SCAF11: variants seen among roughly 807,000 people sequenced by gnomAD.
SCAF11 encodes SR-related CTD associated factor 11.
In SCAF11, 47 loss-of-function variants were observed where a neutral mutation model predicts 140.5. The observed-to-expected ratio is 0.33, with a 90% CI of 0.26 to 0.43. The LOEUF (loss-of-function observed/expected upper bound fraction) is 0.43, where lower values mean the gene tolerates loss of function less well. Among genes scored for constraint, SCAF11 ranks in the 20% least tolerant of loss-of-function variants. SCAF11 has a pLI of 1.00. For missense variants in SCAF11, 1,645 were observed against 1,705.1 expected (o/e 0.96, Z 0.62); for synonymous variants, 557 against 579.4 (o/e 0.96, Z 0.55).
At chr12:45,980,997 A>G (rs904599740) in intron 1 of SCAF11, among the ~76,000 whole-genome samples, 3 of 152,212 alleles carry the variant, frequency 2.0e-5, no homozygotes, top group Non-Finnish European at 4.4e-5. Context: ...TTAGGGAAAC[A>G]GGGCAGGTGA....
At chr12:45,943,676 T>C (rs773200727) in intron 6 of SCAF11, among the ~76,000 whole-genome samples, 3 of 152,096 alleles carry the variant, frequency 2.0e-5, no homozygotes, top group African/African-American at 7.2e-5. Flanking sequence ...TCAGTCCAGG[T>C]TGGTCAGTGA....
chr12:45,931,527 T>C lies in SCAF11; in HGVS notation c.820A>G (p.Thr274Ala). 6.7e-7 allele frequency: 1 copy of C among 1,485,758 alleles called. No homozygotes were observed. The allele number at this position is 1,485,758 out of a possible 1,614,324, so 92.0% of individuals were successfully genotyped here. The stretch of plus-strand genomic sequence containing the variant: ...TTACCAAAATGTTCGAAAGATATGG[T>C]ACTTGTTGGAAAAATAGTTCTTGGC... Reference protein sequence around the residue: ...VLPRTIFPTSTISFEHFGTSC... With the variant: ...VLPRTIFPTSAISFEHFGTSC... The change falls in exon 10 of 15, where the codon ACC becomes GCC. Residue 274 changes from threonine to alanine, a missense_variant. Physicochemically the swap from Thr to Ala is moderately conservative, Grantham distance 58. Around this residue, in one of 2 missense-constraint regions of SCAF11, gnomAD observed 1,582 missense variants for 1,609.2 expected, o/e 0.98. Transcript: ENST00000369367.
chr12:45,956,264 G>A (rs1945690744), intron 3 of SCAF11: 2 of 665,124 alleles, frequency 3.0e-6, no homozygotes, highest in East Asian at 2.8e-5. Flanking sequence ...TTTATAGGTA[G>A]GTTTGCCTGT....
Position 45,928,295 on chromosome 12 carries a change from C to A in SCAF11, c.1406G>T (p.Arg469Ile). 6.2e-7 allele frequency: 1 copy of A among 1,614,012 alleles called. No homozygotes were observed. Among genetic ancestry groups the A allele is most frequent in the Non-Finnish European group, 8.5e-7 (1 of 1,179,994 alleles). ...KHTANYDTEE[R>I]VGSSSSESCA... is the part of the protein sequence containing the mutation. Reference sequence around the variant, plus strand: ...AGACTCAGAAGATGAAGATCCTACTCTTTCCTCTGTATCATAATTTGCAGT... The same window carrying A: ...AGACTCAGAAGATGAAGATCCTACTATTTCCTCTGTATCATAATTTGCAGT... The change falls in exon 11 of 15, where the codon AGA (arginine) becomes ATA (isoleucine). Residue 469 changes from arginine (R) to isoleucine (I), a missense_variant. Coordinates refer to ENST00000369367, the MANE Select transcript of SCAF11 (RefSeq NM_004719.3).
chr12:45,938,115 C>T (rs1945210994), intron 6 of SCAF11, among the ~76,000 whole-genome samples: 1 of 152,160 alleles, frequency 6.6e-6, no homozygotes, highest in South Asian at 2.1e-4. Flanking sequence ...TACTGTTTTA[C>T]TTTCTATTTT....
In SCAF11 at chr12:45,934,475, T is replaced by C; in HGVS notation, c.494A>G (p.Lys165Arg). 6.3e-7 allele frequency: 1 copy of C among 1,594,100 alleles called. No individual in the cohort carries two copies. Among genetic ancestry groups the C allele is most frequent in the Non-Finnish European group, 8.5e-7 (1 of 1,174,002 alleles). Reference sequence around the variant, plus strand: ...ATTTATCTTTATTGCTGCATTTTTCTTTCCTCCTGTTTCACTGTATAAAGA... The same window carrying C: ...ATTTATCTTTATTGCTGCATTTTTCCTTCCTCCTGTTTCACTGTATAAAGA... ...RNSLYSETGG[K>R]KNAAIKINKP... The change falls in exon 7 of 15, where the codon AAG becomes AGG. Residue 165 changes from lysine to arginine, a missense_variant. Transcript: ENST00000369367.
Position 45,920,661 on chromosome 12 carries a change from T to C in SCAF11, c.*1387A>G, listed in dbSNP as rs979159891. ...CCTGAAAGGCTAACCAGGACTCCAT[T>C]ATTTAAATTTCCCCTCTGTTTCTAA... On this transcript the variant is annotated 3_prime_UTR_variant, in exon 15 of 15. Transcript: ENST00000369367. The C allele has an allele frequency of 2.0e-5, 3 of 152,386 alleles. No individual in the cohort carries two copies. The highest frequency in any genetic ancestry group is 7.2e-5 in the African/African-American group (3 of 41,392). 9.4% of individuals were successfully genotyped at this position (152,386 alleles called of 1,614,324 possible).
chr12:45,955,915 A>C lies in SCAF11; in HGVS notation c.220-4188T>G, dbSNP rs189395158. On this transcript the variant is annotated intron_variant, in intron 3 of 14. Transcript: ENST00000369367. ...ACTGCTTTACAGTGTAATGTGTATTAAACAGAGCATATGTTTTACTGTGAA... is the reference window on the plus strand; with the variant it reads ...ACTGCTTTACAGTGTAATGTGTATTCAACAGAGCATATGTTTTACTGTGAA... 5.1e-5 allele frequency: 28 copies of C among 552,658 alleles called. No homozygotes were observed. In the East Asian group the frequency reaches 7.6e-4, roughly 15 times the overall value. The allele number at this position is 552,658 out of a possible 1,614,324, so 34.2% of individuals were successfully genotyped here.
intron 1 of SCAF11, among the ~76,000 whole-genome samples, chr12:45,970,185 C>T (rs532544214): frequency 1.1e-4 from 17 of 152,228 alleles, no homozygotes; most frequent in Admixed American, 4.6e-4. Flanking sequence ...TGAGCCACCG[C>T]GCCCGGCCTC....
At chr12:45,972,090 C>T (rs1946086263) in intron 1 of SCAF11, among the ~76,000 whole-genome samples, 1 of 152,132 alleles carries the variant, frequency 6.6e-6, no homozygotes, top group South Asian at 2.1e-4. Context: ...AAGCAGCATA[C>T]CACCGACTCT....
Position 45,958,638 on chromosome 12 carries a change from C to G in SCAF11, c.219+3062G>C, listed in dbSNP as rs1321953449. ...TTTACCATCTATGAATTCCTTGAAA[C>G]TAAATATAATCATAGTGGACATGAT... On this transcript the variant is annotated intron_variant, in intron 3 of 14. Transcript: ENST00000369367. 2.6e-5 allele frequency among the ~76,000 whole-genome samples: 4 copies of G among 152,160 alleles called. No individual in the cohort carries two copies. In the South Asian group the frequency reaches 8.3e-4, roughly 32 times the overall value.
At chr12:45,990,688 T>TCGC (rs1393178181), upstream of SCAF11, 4 of 848,200 alleles carry the variant, frequency 4.7e-6, no homozygotes, top group Admixed American at 1.3e-4. Flanking sequence ...GCAGCCGGAC[T>TCGC]CGCCACATTC....
chr12:45,986,426 A>C (rs1180513430), intron 1 of SCAF11, among the ~76,000 whole-genome samples: 1 of 152,084 alleles, frequency 6.6e-6, no homozygotes, highest in East Asian at 1.9e-4. Flanking sequence ...CTCCACAATT[A>C]TCATCCTAAT....
chr12:45,953,197 A>G (rs1945591296), intron 3 of SCAF11, among the ~76,000 whole-genome samples: 1 of 152,212 alleles, frequency 6.6e-6, no homozygotes, highest in Non-Finnish European at 1.5e-5. Context: ...TACTTTCCCT[A>G]TAGAAAACTT....
chr12:45,991,475 T>C (rs1253628700), upstream of SCAF11, among the ~76,000 whole-genome samples: 2 of 152,056 alleles, frequency 1.3e-5, no homozygotes, highest in African/African-American at 4.8e-5. Flanking sequence ...GGTGGGAGAA[T>C]CGCTTGAACC....
chr12:45,962,155 T>TCCA (rs1340093804), intron 2 of SCAF11, among the ~76,000 whole-genome samples: 1 of 152,182 alleles, frequency 6.6e-6, no homozygotes, highest in African/African-American at 2.4e-5. Flanking sequence ...CCCATCCAGT[T>TCCA]CCAACCAATC....
At chr12:45,964,584 G>A (rs1341711503) in intron 1 of SCAF11, among the ~76,000 whole-genome samples, 3 of 151,722 alleles carry the variant, frequency 2.0e-5, no homozygotes, top group African/African-American at 4.8e-5. Context: ...GGAGAATGGC[G>A]TGAACCTGGG....
At chr12:45,961,668 GAAATT>G in intron 3 of SCAF11, 27 bp downstream of exon 3, 1 of 1,538,878 alleles carries the variant, frequency 6.5e-7, no homozygotes, top group South Asian at 1.2e-5. Flanking sequence ...ATCATGCTAG[GAAATT>G]AAAATACATT....
At chr12:45,982,454 C>A (rs1946369031) in intron 1 of SCAF11, among the ~76,000 whole-genome samples, 1 of 152,082 alleles carries the variant, frequency 6.6e-6, no homozygotes, top group Admixed American at 6.6e-5. Flanking sequence ...TGACTGTAAT[C>A]CCAGCAATTC....
Sources: allele counts gnomAD v4.1 joint callset (sites outside exome capture counted in the v4.1 genomes callset), GRCh38; gene constraint gnomAD v4.1.1; regional missense constraint gnomAD v4.1.1; transcripts MANE v1.5; gene names NCBI Gene and HGNC (gene_info 2026-07-23, HGNC 2026-07-21).